Variants in PIEZO2 observed in about 807,000 individuals in gnomAD.
PIEZO2 encodes piezo type mechanosensitive ion channel component 2, also known as piezo-type mechanosensitive ion channel component 2.
A neutral mutation model predicts 337.3 loss-of-function variants in PIEZO2; 172 were observed. The observed-to-expected ratio is 0.51, with a 90% CI of 0.45 to 0.58. The LOEUF is 0.58. PIEZO2 is among the 20% of genes least tolerant of loss of function. The pLI, the probability that PIEZO2 is intolerant of heterozygous loss-of-function variation, is 0.00. For synonymous variants in PIEZO2, 1,251 were observed against 1,228.5 expected, an observed-to-expected ratio of 1.02 and a Z score of -0.38; for missense variants, 3,028 against 3,391.3, an observed-to-expected ratio of 0.89 and a Z score of 2.66.
At chr18:11,119,493 T>A (rs116371227) in intron 1 of PIEZO2, among the ~76,000 whole-genome samples, 360 of 152,328 alleles carry the variant, frequency 2.4e-3, no homozygotes, top group African/African-American at 8.4e-3. Context: ...TAAAACATCA[T>A]CAATTGATAA....
At chr18:10,747,739 G>A (rs2037481777) in intron 30 of PIEZO2, among the ~76,000 whole-genome samples, 1 of 152,220 alleles carries the variant, frequency 6.6e-6, no homozygotes, top group African/African-American at 2.4e-5. Flanking sequence ...CAGGGAAAGA[G>A]AACAGACTCT....
At chr18:11,107,584 A>C (rs2039605165) in intron 1 of PIEZO2, among the ~76,000 whole-genome samples, 1 of 152,194 alleles carries the variant, frequency 6.6e-6, no homozygotes, top group East Asian at 1.9e-4. Context: ...CTTTCATAGA[A>C]ATTCTTCTGA....
At chr18:11,136,210 G>C (rs1484446478) in intron 1 of PIEZO2, among the ~76,000 whole-genome samples, 1 of 152,244 alleles carries the variant, frequency 6.6e-6, no homozygotes, top group South Asian at 2.1e-4. Context: ...CCGGCACTGG[G>C]TCAGAAATGC....
At chr18:10,958,911 T>A (rs1006050137) in intron 3 of PIEZO2, among the ~76,000 whole-genome samples, 5 of 152,182 alleles carry the variant, frequency 3.3e-5, no homozygotes, top group African/African-American at 1.2e-4. Flanking sequence ...GGCACAGTTA[T>A]AAAAGCATAA....
chr18:10,974,554 G>A (rs1294364304), intron 3 of PIEZO2, among the ~76,000 whole-genome samples: 2 of 152,188 alleles, frequency 1.3e-5, no homozygotes, highest in Non-Finnish European at 2.9e-5. Flanking sequence ...CAAAGTCCTA[G>A]GAGCCACAGT....
chr18:11,050,558 C>T (rs183985631), intron 2 of PIEZO2, among the ~76,000 whole-genome samples: 6 of 145,790 alleles, frequency 4.1e-5, no homozygotes, highest in East Asian at 2.0e-4. Flanking sequence ...CACACACACA[C>T]GATTACTTAC....
chr18:10,975,330 G>T (rs2034402673), intron 3 of PIEZO2, among the ~76,000 whole-genome samples: 1 of 152,122 alleles, frequency 6.6e-6, no homozygotes. Context: ...TTGAAACCGG[G>T]TTTACATTTA....
chr18:10,738,679 G>A (rs2037106339), intron 33 of PIEZO2: 1 of 152,148 alleles, frequency 6.6e-6, no homozygotes, highest in Non-Finnish European at 1.5e-5. Flanking sequence ...TGATGTTACT[G>A]CTAAATTACT....
At chr18:10,729,867 T>C (rs2036696325) in intron 36 of PIEZO2, among the ~76,000 whole-genome samples, 1 of 152,202 alleles carries the variant, frequency 6.6e-6, no homozygotes, top group Admixed American at 6.5e-5. Context: ...ATTTGCAGTC[T>C]GTTGTTTTTC....
chr18:10,770,381 T>A, intron 20 of PIEZO2, 73 bp from the exon 21 acceptor site: 7 of 1,407,656 alleles, frequency 5.0e-6, no homozygotes, highest in Non-Finnish European at 3.8e-6. Context: ...ATCTTGTAAC[T>A]TTCAGGTTGG....
chr18:10,695,455 C>A (rs1188653080), intron 47 of PIEZO2, among the ~76,000 whole-genome samples: 1 of 152,134 alleles, frequency 6.6e-6, no homozygotes, highest in Non-Finnish European at 1.5e-5. Flanking sequence ...CAGCTTCTGG[C>A]CACCCTGACC....
At position 11,018,959 on chromosome 18, in the gene PIEZO2, T is replaced by C. The variant is rs181315327; in HGVS notation, c.161-39299A>G. On this transcript the variant is annotated intron_variant, in intron 2 of 55. Coordinates refer to ENST00000674853, the MANE Select transcript of PIEZO2 (RefSeq NM_001378183.1). ...ATGTCACCACAATCCATCACAGGTG[T>C]TTCGTGAGTGTGTGTGTGAGATCAA... Among the ~76,000 whole-genome samples, 77 of 152,086 alleles carry C rather than the reference T, an allele frequency of 5.1e-4. 1 individual carries two copies. The highest frequency in any genetic ancestry group is 5.0e-3 in the Admixed American group (76 of 15,286).
chr18:10,752,582 C>T lies in PIEZO2; in HGVS notation c.4167+54G>A. 4 of 1,510,976 alleles carry T rather than the reference C, an allele frequency of 2.6e-6. No individual in the cohort carries two copies. The Admixed American group carries it at 5.9e-5, about 22-fold the overall frequency. 93.6% of individuals were successfully genotyped at this position (1,510,976 alleles called of 1,614,324 possible). On this transcript the variant is annotated intron_variant, in intron 28 of 55. Coordinates refer to ENST00000674853, the MANE Select transcript of PIEZO2 (RefSeq NM_001378183.1). ...GGGCTTTTAATAACCACTGAGTGGA[C>T]TGTTTACTCTTACACGAAAACCGCA...
chr18:10,717,708 T>C (rs1361804018), intron 37 of PIEZO2, among the ~76,000 whole-genome samples: 1 of 152,220 alleles, frequency 6.6e-6, no homozygotes, highest in African/African-American at 2.4e-5. Flanking sequence ...CTCTCTTACT[T>C]ATCTGTGGAA....
chr18:11,014,416 G>A (rs908250829), intron 2 of PIEZO2, among the ~76,000 whole-genome samples: 2 of 149,472 alleles, frequency 1.3e-5, no homozygotes, highest in Non-Finnish European at 3.0e-5. Flanking sequence ...GTCACTCTGC[G>A]TGGGACAGCG....
intron 3 of PIEZO2, among the ~76,000 whole-genome samples, chr18:10,918,631 C>A (rs1366216821): frequency 6.6e-6 from 1 of 151,986 alleles, no homozygotes; most frequent in Non-Finnish European, 1.5e-5. Context: ...TGTAAAATAA[C>A]AATGATTTAC....
intron 1 of PIEZO2, among the ~76,000 whole-genome samples, chr18:11,075,476 T>C (rs2038497224): frequency 6.6e-6 from 1 of 152,204 alleles, no homozygotes; most frequent in Non-Finnish European, 1.5e-5. Flanking sequence ...TTACATCGGT[T>C]GAAACCGTAA....
intron 2 of PIEZO2, among the ~76,000 whole-genome samples, chr18:11,058,451 A>G (rs2145882828): frequency 6.6e-6 from 1 of 152,356 alleles, no homozygotes; most frequent in East Asian, 1.9e-4. Context: ...TTGAGAGAAG[A>G]AGACTTCAGA....
At chr18:10,906,631 G>A (rs1283033887) in intron 4 of PIEZO2, among the ~76,000 whole-genome samples, 2 of 152,050 alleles carry the variant, frequency 1.3e-5, no homozygotes, top group Non-Finnish European at 2.9e-5. Context: ...GGCGATTTGG[G>A]CTCACTGCAA....
Sources: allele counts gnomAD v4.1 joint callset (sites outside exome capture counted in the v4.1 genomes callset), GRCh38; gene constraint gnomAD v4.1.1; transcripts MANE v1.5; gene names NCBI Gene and HGNC (gene_info 2026-07-23, HGNC 2026-07-21).